The following MED12L variants were observed in gnomAD, a reference collection of about 807,000 sequenced individuals.
The protein encoded by MED12L is mediator of RNA polymerase II transcription subunit 12-like protein.
Under a neutral mutation model 281.3 loss-of-function variants are expected in MED12L, and 60 were observed. The ratio of observed to expected loss-of-function variants is 0.21; its 90% CI spans 0.17 to 0.26. The LOEUF (loss-of-function observed/expected upper bound fraction) is 0.26. MED12L is among the 10% of genes least tolerant of loss of function. The pLI is 1.00. For synonymous variants in MED12L, 974 were observed against 987.2 expected, an observed-to-expected ratio of 0.99 and a Z score of 0.25; for missense variants, 2,146 against 2,680.9, an observed-to-expected ratio of 0.80 and a Z score of 4.41.
chr3:151,087,034 G>A lies in MED12L; in HGVS notation c.99+9G>A. 1 of 1,597,668 alleles carries A rather than the reference G, an allele frequency of 6.3e-7. No homozygotes were observed. Among genetic ancestry groups the A allele is most frequent in the African/African-American group, 1.3e-5 (1 of 74,658 alleles). ...ACCCCAAGCAGAAGGAGGTAAGGGCGCCGGCGGCCTCCCCGGCAACCGGGG... is the reference window on the plus strand; with the variant it reads ...ACCCCAAGCAGAAGGAGGTAAGGGCACCGGCGGCCTCCCCGGCAACCGGGG... On this transcript the variant is annotated intron_variant, in intron 2 of 44. Coordinates refer to ENST00000687756, the MANE Select transcript of MED12L (RefSeq NM_001393769.1).
intron 11 of MED12L, among the ~76,000 whole-genome samples, chr3:151,175,452 T>C (rs1721930207): frequency 1.3e-5 from 2 of 152,366 alleles, no homozygotes; most frequent in South Asian, 4.1e-4. Context: ...TAGTTAGCTG[T>C]TGCTGATAGT....
chr3:151,436,488 G>GTTTGT lies in MED12L; in HGVS notation c.*3689_*3693dup. On this transcript the variant is annotated 3_prime_UTR_variant, in exon 45 of 45. Transcript: ENST00000687756. ...AAAATAAAAGTGCCTTAAGTTAAAA[G>GTTTGT]TTTGTTTTGAGATCCATTAAATAAA... 2.2e-6 allele frequency: 1 copy of GTTTGT among 450,020 alleles called. No homozygotes were observed. The highest frequency in any genetic ancestry group is 3.9e-5 in the Admixed American group (1 of 25,476). The allele number at this position is 450,020 out of a possible 1,614,324, so 27.9% of individuals were successfully genotyped here.
At chr3:151,094,051 A>G (rs1195599864) in intron 2 of MED12L, among the ~76,000 whole-genome samples, 1 of 152,242 alleles carries the variant, frequency 6.6e-6, no homozygotes, top group Non-Finnish European at 1.5e-5. Context: ...GAAAGATTCT[A>G]GTTGAACCAG....
At chr3:151,368,396 T>A in intron 25 of MED12L, 145 bp downstream of exon 25, 9 of 685,244 alleles carry the variant, frequency 1.3e-5, no homozygotes, top group Non-Finnish European at 1.8e-5. Flanking sequence ...ATGATACTAT[T>A]CATTGAGAGG....
intron 7 of MED12L, among the ~76,000 whole-genome samples, chr3:151,159,511 C>T (rs1024797958): frequency 6.6e-6 from 1 of 152,158 alleles, no homozygotes; most frequent in Non-Finnish European, 1.5e-5. Context: ...AAAATGCACA[C>T]CAGATTTCAG....
intron 42 of MED12L, among the ~76,000 whole-genome samples, chr3:151,414,230 A>G (rs1002474725): frequency 6.6e-5 from 10 of 152,210 alleles, no homozygotes; most frequent in African/African-American, 1.9e-4. Context: ...TTTGTCTTCA[A>G]TATTAACAAG....
chr3:151,109,310 G>A (rs1157024813), intron 2 of MED12L, among the ~76,000 whole-genome samples: 1 of 152,190 alleles, frequency 6.6e-6, no homozygotes, highest in Non-Finnish European at 1.5e-5. Flanking sequence ...GCCTGCCTCG[G>A]CCTCCCAAAG....
intron 11 of MED12L, among the ~76,000 whole-genome samples, chr3:151,184,063 A>G (rs556335079): frequency 9.8e-5 from 15 of 152,334 alleles, no homozygotes; most frequent in South Asian, 6.2e-4. Flanking sequence ...ATTTCTTTCA[A>G]TTGAGTTACT....
At position 151,400,410 on chromosome 3, in the gene MED12L, T is replaced by C. The variant is rs75463018; in HGVS notation, c.5820+5543T>C. Among the ~76,000 whole-genome samples, 35 of 152,344 alleles carry C rather than the reference T, an allele frequency of 2.3e-4. No homozygotes were observed. The East Asian group carries it at 6.8e-3, about 29-fold the overall frequency. On this transcript the variant is annotated intron_variant, in intron 39 of 44. Coordinates refer to ENST00000687756, the MANE Select transcript of MED12L (RefSeq NM_001393769.1). ...CACTTGGTTATAGGCTCCATACAGA[T>C]CATTAATCATAAGGATTTTTCAGGA...
At chr3:151,383,981 C>A in intron 34 of MED12L, 93 bp downstream of exon 34, 1 of 1,482,790 alleles carries the variant, frequency 6.7e-7, no homozygotes, top group Non-Finnish European at 9.2e-7. Context: ...ATCTTATTTA[C>A]TTGGATGCTA....
At chr3:151,237,862 G>A (rs1277848917) in intron 16 of MED12L, among the ~76,000 whole-genome samples, 2 of 152,126 alleles carry the variant, frequency 1.3e-5, no homozygotes, top group Non-Finnish European at 2.9e-5. Context: ...TCTATGAAAT[G>A]TCTAGTCACA....
At chr3:151,093,097 G>C (rs1320951610) in intron 2 of MED12L, among the ~76,000 whole-genome samples, 1 of 152,204 alleles carries the variant, frequency 6.6e-6, no homozygotes, top group Non-Finnish European at 1.5e-5. Flanking sequence ...CTTGAAAGTA[G>C]AAATTTGAGG....
intron 10 of MED12L, 145 bp downstream of exon 10, chr3:151,165,664 CTT>C (rs1411318179): frequency 1.1e-6 from 1 of 919,392 alleles, no homozygotes; most frequent in African/African-American, 1.6e-5. Flanking sequence ...CAGTTTATGC[CTT>C]TTAGATCCTG....
At chr3:151,421,252 G>A (rs1194599799) in intron 43 of MED12L, among the ~76,000 whole-genome samples, 2 of 152,138 alleles carry the variant, frequency 1.3e-5, no homozygotes, top group Non-Finnish European at 2.9e-5. Flanking sequence ...ATCTTCCTCT[G>A]CTGAGGTCAC....
chr3:151,327,401 G>A (rs1749746001), intron 16 of MED12L: 1 of 152,142 alleles, frequency 6.6e-6, no homozygotes, highest in Non-Finnish European at 1.5e-5. Context: ...GCCTCCTATG[G>A]TATATTATTG....
chr3:151,415,949 C>T (rs10935846), intron 42 of MED12L, among the ~76,000 whole-genome samples: 123,986 of 152,260 alleles, frequency 0.81, 51,156 homozygotes, highest in East Asian at 1. Context: ...GAGCAGTCCC[C>T]GTCCAACCTG....
At chr3:151,103,328 A>G (rs1721618978) in intron 2 of MED12L, among the ~76,000 whole-genome samples, 1 of 152,188 alleles carries the variant, frequency 6.6e-6, no homozygotes. Flanking sequence ...AATTAATGGG[A>G]TACAATTATT....
chr3:151,334,602 C>A (rs530799084), intron 16 of MED12L, among the ~76,000 whole-genome samples: 1 of 152,148 alleles, frequency 6.6e-6, no homozygotes, highest in African/African-American at 2.4e-5. Context: ...TGTGTTCAAG[C>A]GGTTCTCCTG....
intron 25 of MED12L, among the ~76,000 whole-genome samples, chr3:151,368,638 T>G (rs1755662418): frequency 1.8e-5 from 1 of 55,832 alleles, no homozygotes; most frequent in Non-Finnish European, 3.6e-5. Flanking sequence ...TTATTTCATT[T>G]CATTTCATTT....
Sources: gnomAD v4.1 joint callset for allele counts (sites outside exome capture counted in the v4.1 genomes callset) on GRCh38, gnomAD v4.1.1 for gene constraint, MANE v1.5 for transcripts, NCBI Gene and HGNC (gene_info 2026-07-23, HGNC 2026-07-21) for gene names.